FILIP1L: variants seen among roughly 807,000 people sequenced by gnomAD.
FILIP1L encodes the protein filamin A-interacting protein 1-like.
In FILIP1L, 55 loss-of-function variants were observed where a neutral mutation model predicts 96.6. That is an observed-to-expected ratio of 0.57 (90% CI 0.46 to 0.71). The LOEUF (loss-of-function observed/expected upper bound fraction) is 0.71, where lower values mean the gene tolerates loss of function less well. Among genes scored for constraint, FILIP1L ranks in the 30% least tolerant of loss-of-function variants. FILIP1L has a pLI of 0.00. For missense variants in FILIP1L, 1,304 were observed against 1,321.2 expected (o/e 0.99, Z 0.20); for synonymous variants, 467 against 473.9 (o/e 0.99, Z 0.19).
At chr3:99,879,841 G>A (rs1259010917) in intron 4 of FILIP1L, among the ~76,000 whole-genome samples, 1 of 152,166 alleles carries the variant, frequency 6.6e-6, no homozygotes, top group Non-Finnish European at 1.5e-5. Flanking sequence ...ACCTGGTCCT[G>A]TATAAGAAGC....
rs150008038 is a variant in FILIP1L, at chr3:100,078,912, T to G, written c.-11+35141A>C. On this transcript the variant is annotated intron_variant, in intron 1 of 5. Transcript: ENST00000477258. Reference sequence around the variant, plus strand: ...TATCAAAAAAAACGGAAAAAAAGATTGCAAAAAATCTCATAATATTTTAAG... The same window carrying G: ...TATCAAAAAAAACGGAAAAAAAGATGGCAAAAAATCTCATAATATTTTAAG... 3.5e-3 allele frequency among the ~76,000 whole-genome samples: 538 copies of G among 151,954 alleles called. 2 individuals carry two copies. Among genetic ancestry groups the G allele is most frequent in the African/African-American group, 0.012 (512 of 41,422 alleles).
At chr3:99,894,753 C>T (rs545525008) in intron 4 of FILIP1L, among the ~76,000 whole-genome samples, 1 of 152,206 alleles carries the variant, frequency 6.6e-6, no homozygotes, top group Admixed American at 6.5e-5. Context: ...GCTGAAAACT[C>T]CATTTAGGTA....
At chr3:100,073,571 A>C (rs1404985831) in intron 1 of FILIP1L, among the ~76,000 whole-genome samples, 2 of 152,162 alleles carry the variant, frequency 1.3e-5, no homozygotes, top group East Asian at 3.8e-4. Context: ...TCCAGGATGC[A>C]AGAGAGGGAA....
intron 1 of FILIP1L, among the ~76,000 whole-genome samples, chr3:99,984,048 A>ATGTGTGTG (rs367846393): frequency 6.8e-5 from 10 of 147,580 alleles, no homozygotes; most frequent in Admixed American, 2.7e-4. Context: ...AAGGATGTAT[A>ATGTGTGTG]TGTATGTGTG....
chr3:99,936,080 A>G (rs1176517140), intron 1 of FILIP1L, among the ~76,000 whole-genome samples: 2 of 152,146 alleles, frequency 1.3e-5, no homozygotes, highest in Non-Finnish European at 2.9e-5. Context: ...CATACTTTTT[A>G]GTCTTCATTT....
chr3:100,033,963 T>A (rs2065063800), intron 1 of FILIP1L, among the ~76,000 whole-genome samples: 2 of 152,222 alleles, frequency 1.3e-5, no homozygotes. Flanking sequence ...TATTATTTAA[T>A]CCAGATTTCT....
intron 1 of FILIP1L, among the ~76,000 whole-genome samples, chr3:100,047,144 CT>C (rs1467598327): frequency 3.3e-5 from 5 of 152,136 alleles, no homozygotes; most frequent in African/African-American, 7.2e-5. Context: ...GGGTATAATA[CT>C]TTCTCTGCCT....
At chr3:99,852,364 A>G (rs1943738646) in intron 4 of FILIP1L, among the ~76,000 whole-genome samples, 1 of 152,230 alleles carries the variant, frequency 6.6e-6, no homozygotes, top group South Asian at 2.1e-4. Context: ...TGAGTTAATT[A>G]TCAAATGCAT....
intron 1 of FILIP1L, among the ~76,000 whole-genome samples, chr3:100,085,754 G>A (rs1395798912): frequency 2.6e-5 from 4 of 152,178 alleles, no homozygotes; most frequent in South Asian, 2.1e-4. Context: ...AGCTATGCAC[G>A]TGGATGATGA....
chr3:100,059,991 C>G (rs2065532312), intron 1 of FILIP1L, among the ~76,000 whole-genome samples: 1 of 148,814 alleles, frequency 6.7e-6, no homozygotes, highest in Non-Finnish European at 1.5e-5. Context: ...AAATGTGACC[C>G]ATATGACTAG....
Position 99,849,111 on chromosome 3 carries a change from A to G in FILIP1L, c.2565T>C (p.Cys855=), listed in dbSNP as rs1283499298. 1 of 1,614,148 alleles carries G rather than the reference A, an allele frequency of 6.2e-7. No homozygotes were observed. The highest frequency in any genetic ancestry group is 1.1e-5 in the South Asian group (1 of 91,082). Residue 855 remains cysteine (C), a synonymous_variant, in exon 5 of 6, where the codon TGT becomes TGC. Coordinates refer to ENST00000477258, the MANE Select transcript of FILIP1L (RefSeq NM_001387850.1). ...GAATCCATAGCTTTCTGTTAACAGGACATGGAGTAGACTGGCTGCATTTGA... is the reference window on the plus strand; with the variant it reads ...GAATCCATAGCTTTCTGTTAACAGGGCATGGAGTAGACTGGCTGCATTTGA... ...LSFKCSQSTP[C]PVNRKLWIPW...
chr3:100,034,158 T>A (rs1199388315), intron 1 of FILIP1L, among the ~76,000 whole-genome samples: 2 of 152,218 alleles, frequency 1.3e-5, no homozygotes, highest in African/African-American at 4.8e-5. Flanking sequence ...GGACACTAAA[T>A]TCCATTGTGG....
chr3:99,832,259 C>A (rs1242256843), intron 5 of FILIP1L, among the ~76,000 whole-genome samples: 1 of 144,652 alleles, frequency 6.9e-6, no homozygotes, highest in Non-Finnish European at 1.5e-5. Flanking sequence ...GAGACGGAGT[C>A]TCGCTGTATC....
chr3:100,021,151 C>G (rs2064810045), intron 1 of FILIP1L, among the ~76,000 whole-genome samples: 1 of 152,204 alleles, frequency 6.6e-6, no homozygotes. Flanking sequence ...GCAAAATTCC[C>G]CAGCTTACTG....
intron 1 of FILIP1L, among the ~76,000 whole-genome samples, chr3:100,104,155 C>T (rs1043014070): frequency 1.3e-5 from 2 of 152,168 alleles, no homozygotes; most frequent in African/African-American, 4.8e-5. Context: ...GAGAGTGGCC[C>T]TCTCTCACCC....
intron 5 of FILIP1L, chr3:99,833,128 T>G: frequency 1.1e-6 from 1 of 947,982 alleles, no homozygotes; most frequent in Non-Finnish European, 1.7e-6. Flanking sequence ...ATTAAGCAAG[T>G]TGGAAAGCTC....
intron 1 of FILIP1L, among the ~76,000 whole-genome samples, chr3:100,016,208 T>G (rs1453481648): frequency 1.3e-5 from 2 of 152,118 alleles, no homozygotes; most frequent in Non-Finnish European, 2.9e-5. Flanking sequence ...TTGTTTGTTT[T>G]TGAGACGCAG....
intron 1 of FILIP1L, among the ~76,000 whole-genome samples, chr3:100,048,085 A>G (rs1481508477): frequency 6.6e-6 from 1 of 152,184 alleles, no homozygotes; most frequent in Non-Finnish European, 1.5e-5. Flanking sequence ...GGGGCCAAAC[A>G]GCCACAATCC....
chr3:99,947,303 T>C (rs572956212), intron 1 of FILIP1L, among the ~76,000 whole-genome samples: 24 of 152,356 alleles, frequency 1.6e-4, no homozygotes, highest in Non-Finnish European at 2.8e-4. Context: ...TCTGTTATAC[T>C]ATACATATTG....
Sources: allele counts gnomAD v4.1 joint callset (sites outside exome capture counted in the v4.1 genomes callset), GRCh38; gene constraint gnomAD v4.1.1; transcripts MANE v1.5; gene names NCBI Gene and HGNC (gene_info 2026-07-23, HGNC 2026-07-21).